VCAM1: variants seen among roughly 807,000 people sequenced by gnomAD.
The protein encoded by VCAM1 is vascular cell adhesion protein 1.
VCAM1 carries 41 observed loss-of-function variants against 63.8 expected under a neutral mutation model. The observed-to-expected ratio is 0.64, with a 90% CI of 0.50 to 0.83. The LOEUF is 0.83. Among genes scored for constraint, VCAM1 ranks in the 40% least tolerant of loss-of-function variants. VCAM1 has a pLI of 0.00. For missense variants in VCAM1, 798 were observed against 875.5 expected (o/e 0.91, Z 1.12); for synonymous variants, 338 against 320.7 (o/e 1.05, Z -0.58).
In VCAM1 at chr1:100,720,697, A is replaced by G; in HGVS notation, c.286A>G (p.Thr96Ala). 6.2e-7 allele frequency: 1 copy of G among 1,613,090 alleles called. No individual in the cohort carries two copies. The highest frequency in any genetic ancestry group is 8.5e-7 in the Non-Finnish European group (1 of 1,179,350). ...SFGNEHSYLC[T>A]ATCESRKLEK... ...TGGGAACGAACACTCTTACCTGTGCACAGCAACTTGTGAATCTAGGAAATT... is the reference window on the plus strand; with the variant it reads ...TGGGAACGAACACTCTTACCTGTGCGCAGCAACTTGTGAATCTAGGAAATT... Residue 96 changes from threonine (T) to alanine (A), a missense_variant, in exon 2 of 9, where the codon ACA becomes GCA. Transcript: ENST00000294728.
chr1:100,733,008 G>A (rs966387437), intron 7 of VCAM1, among the ~76,000 whole-genome samples: 13 of 152,186 alleles, frequency 8.5e-5, no homozygotes, highest in Non-Finnish European at 7.4e-5. Flanking sequence ...CTGCATTTGG[G>A]ATTATGTAGG....
intron 4 of VCAM1, among the ~76,000 whole-genome samples, chr1:100,726,333 T>G (rs1227846131): frequency 1.3e-5 from 2 of 152,230 alleles, no homozygotes; most frequent in East Asian, 3.9e-4. Context: ...ATAATCAATC[T>G]TATGCACTGC....
chr1:100,735,504 G>A (rs1368158928), intron 8 of VCAM1: 1 of 152,250 alleles, frequency 6.6e-6, no homozygotes, highest in Non-Finnish European at 1.5e-5. Context: ...GTGTAATGGA[G>A]GCCATACTTG....
chr1:100,724,821 G>T lies in VCAM1; in HGVS notation c.859G>T (p.Gly287Ter), dbSNP rs758837624. ...AATTGCTATGAGGATGGAAGATTCT[G>T]GAATTTATGTGTGTGAAGGAGTTAA... ...TLIAMRMEDSGIYVCEGVNLI... is the reference protein window; with the variant it reads ...TLIAMRMEDS Residue 287 changes from glycine (G) to a stop codon, truncating the protein, a stop_gained, in exon 4 of 9, where the codon GGA becomes TGA. Transcript: ENST00000294728. LOFTEE classifies it high-confidence loss of function. 8 of 1,612,908 alleles carry T rather than the reference G, an allele frequency of 5.0e-6. No homozygotes were observed. The Admixed American group carries it at 1.2e-4, about 24-fold the overall frequency.
chr1:100,736,431 A>G (rs1660651167), intron 8 of VCAM1: 1 of 152,186 alleles, frequency 6.6e-6, no homozygotes, highest in South Asian at 2.1e-4. Context: ...TTCCATTAAT[A>G]GAAATCATCA....
chr1:100,729,982 TAATA>T (rs1660377127), intron 5 of VCAM1, among the ~76,000 whole-genome samples: 1 of 152,150 alleles, frequency 6.6e-6, no homozygotes. Context: ...TCTTTTGTCT[TAATA>T]AACATTCTTT....
intron 4 of VCAM1, among the ~76,000 whole-genome samples, chr1:100,728,682 T>A (rs1660268329): frequency 6.7e-6 from 1 of 150,294 alleles, no homozygotes; most frequent in African/African-American, 2.5e-5. Flanking sequence ...AGAATAGTAC[T>A]AGTGTACAAA....
intron 8 of VCAM1, among the ~76,000 whole-genome samples, chr1:100,735,016 G>A (rs1469145109): frequency 6.6e-6 from 1 of 152,068 alleles, no homozygotes; most frequent in East Asian, 1.9e-4. Context: ...TTGTCTCTGA[G>A]GTCTTGCAGT....
chr1:100,725,412 G>A lies in VCAM1; in HGVS notation c.928+522G>A, dbSNP rs1055383111. Among the ~76,000 whole-genome samples, 7 of 152,040 alleles carry A rather than the reference G, an allele frequency of 4.6e-5. No individual in the cohort carries two copies. In the East Asian group the frequency reaches 5.8e-4, roughly 13 times the overall value. ...AAGATATTCTTACATAACAGCATTC[G>A]CTAAACACCAGATAGGTTTCTGGCA... On this transcript the variant is annotated intron_variant, in intron 4 of 8. Coordinates refer to ENST00000294728, the MANE Select transcript of VCAM1 (RefSeq NM_001078.4).
Position 100,731,773 on chromosome 1 carries a change from A to G in VCAM1, c.1525+255A>G, listed in dbSNP as rs1361479798. Among the ~76,000 whole-genome samples the G allele has an allele frequency of 6.6e-6, 1 of 152,158 alleles. No individual in the cohort carries two copies. Among genetic ancestry groups the G allele is most frequent in the African/African-American group, 2.4e-5 (1 of 41,450 alleles). ...AGGCAGTTATTCTGTTCAATATGGTATTAGCTGAGCTCACTCGTGCATTTT... is the reference window on the plus strand; with the variant it reads ...AGGCAGTTATTCTGTTCAATATGGTGTTAGCTGAGCTCACTCGTGCATTTT... On this transcript the variant is annotated intron_variant, in intron 6 of 8. Coordinates refer to ENST00000294728, the MANE Select transcript of VCAM1 (RefSeq NM_001078.4). This position sits in a 1 kb window ranked among gnomAD's most constrained non-coding sequence, Gnocchi z 4.2.
chr1:100,720,277 A>G (rs1470543380), intron 1 of VCAM1, among the ~76,000 whole-genome samples, 199 bp from the exon 2 acceptor site: 4 of 152,128 alleles, frequency 2.6e-5, no homozygotes, highest in African/African-American at 7.2e-5. Flanking sequence ...GTTGGAACTG[A>G]GAATTCTCTC....
At chr1:100,723,597 A>G (rs1660049498) in intron 3 of VCAM1, among the ~76,000 whole-genome samples, 1 of 152,026 alleles carries the variant, frequency 6.6e-6, no homozygotes, top group African/African-American at 2.4e-5. Context: ...TCTATTTCCC[A>G]GTGTATAAAA....
chr1:100,736,781 T>C (rs1660664029), intron 8 of VCAM1: 1 of 152,168 alleles, frequency 6.6e-6, no homozygotes, highest in Non-Finnish European at 1.5e-5. Context: ...TGAACTGTTT[T>C]TCTTCAATAA....
intron 8 of VCAM1, chr1:100,735,122 CCAGACCCTCTT>C: frequency 5.4e-6 from 1 of 185,068 alleles, no homozygotes; most frequent in Admixed American, 5.7e-5. Context: ...AGGGTTCTAT[CCAGACCCTCTT>C]CCTTTCTACC....
intron 7 of VCAM1, 148 bp downstream of exon 7, chr1:100,732,832 G>A (rs1660511006): frequency 1.2e-6 from 1 of 827,744 alleles, no homozygotes; most frequent in Non-Finnish European, 1.8e-6. Context: ...AATGTATGGA[G>A]AAATCTCCTG....
chr1:100,729,409 G>T (rs201442243), intron 5 of VCAM1, 27 bp downstream of exon 5: 512 of 1,298,320 alleles, frequency 3.9e-4, no homozygotes, highest in Middle Eastern at 5.0e-4. Flanking sequence ...ATTGTTTACT[G>T]TTTTTTTTTT....
In VCAM1 at chr1:100,729,163, G is replaced by A. The variant is rs1316911493; in HGVS notation, c.985G>A (p.Asp329Asn). The A allele has an allele frequency of 4.3e-6, 7 of 1,612,158 alleles. No homozygotes were observed. The highest frequency in any genetic ancestry group is 1.3e-5 in the African/African-American group (1 of 74,944). Residue 329 changes from aspartate to asparagine, a missense_variant, in exon 5 of 9, where the codon GAC becomes AAC. By Grantham distance (23) the Asp-to-Asn change is conservative (BLOSUM62 1). Transcript: ENST00000294728. ...PGPRIAAQIG[D>N]SVMLTCSVMG... ...ACCCCGGATTGCTGCTCAGATTGGA[G>A]ACTCAGTCATGTTGACATGTAGTGT...
Position 100,738,289 on chromosome 1 carries a change from G to A in VCAM1, c.*6G>A, listed in dbSNP as rs200151759. ...CACAGAAGTCAAAAGTGTAGCTAAT[G>A]CTTGATATGTTCAACTGGAGACACT... On this transcript the variant is annotated 3_prime_UTR_variant, in exon 9 of 9. Transcript: ENST00000294728. The A allele has an allele frequency of 1.7e-4, 272 of 1,612,036 alleles. 4 individuals carry two copies. In the East Asian group the frequency reaches 4.7e-3, roughly 28 times the overall value.
At position 100,723,217 on chromosome 1, in the gene VCAM1, G is replaced by A. The variant is rs1318105799; in HGVS notation, c.538G>A (p.Val180Ile). The A allele has an allele frequency of 1.2e-6, 2 of 1,613,024 alleles. No homozygotes were observed. Among genetic ancestry groups the A allele is most frequent in the Non-Finnish European group, 1.7e-6 (2 of 1,179,412 alleles). ...RKSLETKSLE[V>I]TFTPVIEDIG... ...GTCCCTGGAAACCAAGAGTTTGGAA[G>A]TAACCTTTACTCCTGTCATTGAGGA... The change falls in exon 3 of 9, where the codon GTA becomes ATA. Residue 180 changes from valine (V) to isoleucine (I), a missense_variant. Physicochemically the swap from Val to Ile is conservative, Grantham distance 29. Transcript: ENST00000294728.
Sources: allele counts gnomAD v4.1 joint callset (sites outside exome capture counted in the v4.1 genomes callset), GRCh38; gene constraint gnomAD v4.1.1; non-coding constraint Gnocchi (gnomAD v3.1); transcripts MANE v1.5; gene names NCBI Gene and HGNC (gene_info 2026-07-23, HGNC 2026-07-21).